Variants in RBM26 observed in about 807,000 individuals in gnomAD.
RBM26 encodes the protein RNA-binding protein 26.
RBM26 carries 30 observed loss-of-function variants against 123.6 expected under a neutral mutation model. That is an observed-to-expected ratio of 0.24 (90% confidence interval 0.18 to 0.33). RBM26 has a LOEUF of 0.33. Ranked by LOEUF, RBM26 falls within the 10% of genes least tolerant of loss-of-function variation. The probability of loss-of-function intolerance (pLI) is 1.00; values close to 1 mark genes in which losing one functional copy is unlikely to be tolerated. For missense variants in RBM26, 947 were observed against 1,203.6 expected (o/e 0.79, Z 3.15); for synonymous variants, 400 against 404.4 (o/e 0.99, Z 0.13).
Position 79,361,576 on chromosome 13 carries a change from G to C in RBM26, c.1418-1890C>G, listed in dbSNP as rs547996166. Among the ~76,000 whole-genome samples the C allele has an allele frequency of 7.9e-5, 12 of 152,220 alleles. No individual in the cohort carries two copies. The East Asian group carries it at 1.9e-3, about 25-fold the overall frequency. ...ACTCATGTCCTCACCTGTTGCTTAA[G>C]CCTATGAATACATCCCAGTCCTCTT... On this transcript the variant is annotated intron_variant, in intron 9 of 21. Transcript: ENST00000438737.
downstream of RBM26, among the ~76,000 whole-genome samples, chr13:79,317,836 G>A (rs1259571888): frequency 6.6e-6 from 1 of 151,594 alleles, no homozygotes; most frequent in African/African-American, 2.4e-5. Context: ...TTGGAAAATT[G>A]ATAAGAATTA....
intron 19 of RBM26, 65 bp from the exon 20 acceptor site, chr13:79,334,495 G>A (rs2069964837): frequency 1.2e-6 from 1 of 863,922 alleles, no homozygotes; most frequent in Non-Finnish European, 1.8e-6. Context: ...AATCCTAATG[G>A]TATTAAAAAA....
chr13:79,350,481 A>C (rs559306301), intron 14 of RBM26, among the ~76,000 whole-genome samples: 6 of 152,296 alleles, frequency 3.9e-5, no homozygotes, highest in African/African-American at 1.4e-4. Context: ...ATAATTTATC[A>C]AATCTATTCA....
intron 9 of RBM26, among the ~76,000 whole-genome samples, chr13:79,362,390 T>C (rs1050346389): frequency 1.3e-5 from 2 of 152,190 alleles, no homozygotes; most frequent in Non-Finnish European, 2.9e-5. Context: ...CTATCACCTC[T>C]ATTCTAAAAT....
chr13:79,342,704 G>C lies in RBM26; in HGVS notation c.2387C>G (p.Pro796Arg). Reference protein sequence around the residue: ...KLKDEVKAASPGRCLPKSIKT... With the variant: ...KLKDEVKAASRGRCLPKSIKT... ...TATACTTTTTGGAAGACAGCGTCCA[G>C]GAGAAGCAGCTTTGACCTCATCTTT... The change falls in exon 17 of 22, where the codon CCT (proline) becomes CGT (arginine). Residue 796 changes from proline (P) to arginine (R), a missense_variant. This residue lies in a region of RBM26 where 493 missense variants were observed against 563.1 expected (regional missense o/e 0.88). Coordinates refer to ENST00000438737, the MANE Select transcript of RBM26 (RefSeq NM_001366735.2). 1 of 1,611,364 alleles carries C rather than the reference G, an allele frequency of 6.2e-7. No individual in the cohort carries two copies. Among genetic ancestry groups the C allele is most frequent in the Non-Finnish European group, 8.5e-7 (1 of 1,178,404 alleles).
At chr13:79,325,800 A>C (rs2068312530) in intron 20 of RBM26, among the ~76,000 whole-genome samples, 1 of 152,192 alleles carries the variant, frequency 6.6e-6, no homozygotes, top group Non-Finnish European at 1.5e-5. Context: ...AGGCCTTTAC[A>C]TTCACTCACT....
chr13:79,323,471 A>T (rs968662626), intron 20 of RBM26, among the ~76,000 whole-genome samples: 1 of 151,544 alleles, frequency 6.6e-6, no homozygotes, highest in African/African-American at 2.4e-5. Flanking sequence ...TACAACTAGA[A>T]TTTTTTTAAA....
chr13:79,374,211 A>G (rs8001392), intron 3 of RBM26, among the ~76,000 whole-genome samples: 76,767 of 151,952 alleles, frequency 0.51, 19,792 homozygotes, highest in Middle Eastern at 0.6. Context: ...GCTCACACCT[A>G]TAATCCCAGC....
At chr13:79,387,304 C>T (rs1466994807) in intron 1 of RBM26, among the ~76,000 whole-genome samples, 1 of 149,672 alleles carries the variant, frequency 6.7e-6, no homozygotes, top group African/African-American at 2.5e-5. Flanking sequence ...AAAAAAAATG[C>T]CTATAATCAC....
chr13:79,358,296 A>T lies in RBM26; in HGVS notation c.1667T>A (p.Phe556Tyr). Residue 556 changes from phenylalanine to tyrosine, a missense_variant, in exon 11 of 22, where the codon TTT becomes TAT. By Grantham distance (22) the Phe-to-Tyr change is conservative (BLOSUM62 3). Around this residue, in one of 5 missense-constraint regions of RBM26, gnomAD observed 493 missense variants for 563.1 expected, o/e 0.88. Coordinates refer to ENST00000438737, the MANE Select transcript of RBM26 (RefSeq NM_001366735.2). The stretch of plus-strand genomic sequence containing the variant: ...TACCTGTAAGTTAACCAAGGTTCCA[A>T]ATCGACTAAAATGTTCATTAAGTTT... The part of the protein sequence containing the change: ...ISKLNEHFSR[F>Y]GTLVNLQVAY... The T allele has an allele frequency of 6.2e-7, 1 of 1,607,618 alleles. No individual in the cohort carries two copies. The highest frequency in any genetic ancestry group is 8.5e-7 in the Non-Finnish European group (1 of 1,178,008).
At position 79,405,767 on chromosome 13, in the gene RBM26, G is replaced by A. The variant is rs762657958; in HGVS notation, c.8C>T (p.Ser3Phe). 6.3e-7 allele frequency: 1 copy of A among 1,594,024 alleles called. No homozygotes were observed. The highest frequency in any genetic ancestry group is 8.5e-7 in the Non-Finnish European group (1 of 1,169,656). The stretch of plus-strand genomic sequence containing the variant: ...CTCGAAGTTTTCAATGATCATTTTA[G>A]AAACCATCCACAGCGGCCCTAAGGC... Reference protein sequence around the residue: MVSKMIIENFEAL... With the variant: MVFKMIIENFEAL... Residue 3 changes from serine (S) to phenylalanine (F), a missense_variant, in exon 1 of 22, where the codon TCT becomes TTT. Around this residue, in one of 5 missense-constraint regions of RBM26, gnomAD observed 275 missense variants for 361.0 expected, o/e 0.76. Coordinates refer to ENST00000438737, the MANE Select transcript of RBM26 (RefSeq NM_001366735.2).
chr13:79,325,962 A>C (rs1386779281), intron 20 of RBM26, among the ~76,000 whole-genome samples: 1 of 152,198 alleles, frequency 6.6e-6, no homozygotes, highest in Non-Finnish European at 1.5e-5. Flanking sequence ...CCATTGTGTT[A>C]CAAGTGCCTC....
At chr13:79,329,653 G>C (rs2068987229) in intron 20 of RBM26, among the ~76,000 whole-genome samples, 1 of 151,964 alleles carries the variant, frequency 6.6e-6, no homozygotes, top group African/African-American at 2.4e-5. Flanking sequence ...TAATAACTGA[G>C]AGCAATGGAT....
intron 1 of RBM26, among the ~76,000 whole-genome samples, chr13:79,394,356 G>C (rs750719950): frequency 6.6e-6 from 1 of 152,200 alleles, no homozygotes; most frequent in Non-Finnish European, 1.5e-5. Flanking sequence ...GGTAGGAAGA[G>C]AAATTCTTCT....
intron 1 of RBM26, among the ~76,000 whole-genome samples, chr13:79,385,402 G>A (rs1393015730): frequency 6.6e-6 from 1 of 152,098 alleles, no homozygotes; most frequent in Non-Finnish European, 1.5e-5. Flanking sequence ...ATCCATCCTT[G>A]AGCATCACAC....
chr13:79,322,364 C>T lies in RBM26; in HGVS notation c.2919G>A (p.Glu973=). The T allele has an allele frequency of 1.3e-6, 2 of 1,572,596 alleles. No individual in the cohort carries two copies. Among genetic ancestry groups the T allele is most frequent in the Non-Finnish European group, 1.7e-6 (2 of 1,161,342 alleles). Residue 973 remains glutamate (E), a synonymous_variant, in exon 21 of 22, where the codon GAG becomes GAA. Coordinates refer to ENST00000438737, the MANE Select transcript of RBM26 (RefSeq NM_001366735.2). The part of the protein sequence containing the change: ...NISAVETEEV[E]PDEEEFQEES... ...AATAACATACTTCTTCTTCATCAGGCTCAACTTCTTCTGTTTCAACAGCTG... is the reference window on the plus strand; with the variant it reads ...AATAACATACTTCTTCTTCATCAGGTTCAACTTCTTCTGTTTCAACAGCTG...
chr13:79,353,630 A>G (rs2073578914), intron 13 of RBM26, among the ~76,000 whole-genome samples: 1 of 152,192 alleles, frequency 6.6e-6, no homozygotes, highest in South Asian at 2.1e-4. Context: ...ATTTGGGATG[A>G]TAGGACTGGG....
chr13:79,356,389 C>CAAAAA (rs2074014608), intron 11 of RBM26, among the ~76,000 whole-genome samples: 1 of 101,914 alleles, frequency 9.8e-6, no homozygotes, highest in African/African-American at 4.1e-5. Context: ...AAAAAACAAA[C>CAAAAA]AAAAAAAAAC....
In RBM26 at chr13:79,370,956, G is replaced by GTTCTGCTTCTGC. The variant is rs771275156; in HGVS notation, c.611_622dup (p.Ser204_Arg207dup). The GTTCTGCTTCTGC allele has an allele frequency of 6.3e-7, 1 of 1,597,856 alleles. No individual in the cohort carries two copies. Among genetic ancestry groups the GTTCTGCTTCTGC allele is most frequent in the Non-Finnish European group, 8.6e-7 (1 of 1,165,264 alleles). ...AATATATTATTTACCCCTGCTTCGTGTTCTGCTTCTGCTTCTAGTCCTGCT... is the reference window on the plus strand; with the variant it reads ...AATATATTATTTACCCCTGCTTCGTGTTCTGCTTCTGCTTCTGCTTCTGCTTCTAGTCCTGCT... On this transcript the variant is annotated inframe_insertion, in exon 5 of 22. Transcript: ENST00000438737.
Sources: gnomAD v4.1 joint callset for allele counts (sites outside exome capture counted in the v4.1 genomes callset) on GRCh38, gnomAD v4.1.1 for gene constraint, gnomAD v4.1.1 regional missense constraint, MANE v1.5 for transcripts, NCBI Gene and HGNC (gene_info 2026-07-23, HGNC 2026-07-21) for gene names.